The following CACNA2D1 variants were observed in gnomAD, a reference collection of about 807,000 sequenced individuals.
The protein encoded by CACNA2D1 is voltage-dependent calcium channel subunit alpha-2/delta-1.
In CACNA2D1, 53 loss-of-function variants were observed where a neutral mutation model predicts 171.5. The ratio of observed to expected loss-of-function variants is 0.31; its 90% CI spans 0.25 to 0.39. The LOEUF is 0.39. Ranked by LOEUF, CACNA2D1 falls within the 10% of genes least tolerant of loss-of-function variation. The pLI is 1.00. For synonymous variants in CACNA2D1, 442 were observed against 443.1 expected (o/e 1.00, Z 0.03); for missense variants, 903 against 1,299.8 (o/e 0.69, Z 4.69).
intron 5 of CACNA2D1, among the ~76,000 whole-genome samples, chr7:82,132,386 G>A (rs1791093938): frequency 6.6e-6 from 1 of 152,136 alleles, no homozygotes; most frequent in Non-Finnish European, 1.5e-5. Flanking sequence ...CATGTTAGTT[G>A]GGTATGTACA....
intron 1 of CACNA2D1, among the ~76,000 whole-genome samples, chr7:82,438,239 C>T (rs1226275062): frequency 6.6e-6 from 1 of 152,132 alleles, no homozygotes; most frequent in African/African-American, 2.4e-5. Context: ...CTAAGGTATG[C>T]ACACTTGTTA....
intron 3 of CACNA2D1, among the ~76,000 whole-genome samples, chr7:82,293,756 A>G (rs1350179177): frequency 6.6e-6 from 1 of 152,152 alleles, no homozygotes; most frequent in Non-Finnish European, 1.5e-5. Flanking sequence ...TGGGAATATA[A>G]TTTATTTTAA....
chr7:82,342,403 A>G (rs1818783429), intron 2 of CACNA2D1, among the ~76,000 whole-genome samples: 2 of 152,188 alleles, frequency 1.3e-5, no homozygotes, highest in South Asian at 4.1e-4. Flanking sequence ...GAATTAGTGA[A>G]TGGATACTGA....
chr7:82,028,248 A>G (rs1255443315), intron 12 of CACNA2D1: 1 of 151,802 alleles, frequency 6.6e-6, no homozygotes, highest in Non-Finnish European at 1.5e-5. Context: ...TATGCTCTGC[A>G]AATGAACCAA....
chr7:82,198,427 C>T (rs77660777), intron 3 of CACNA2D1, among the ~76,000 whole-genome samples: 2,452 of 152,068 alleles, frequency 0.016, 69 homozygotes, highest in African/African-American at 0.051. Context: ...CTACAGGGCT[C>T]GAAGGCAGTG....
chr7:82,192,186 G>A (rs574855318), intron 3 of CACNA2D1, among the ~76,000 whole-genome samples: 1 of 151,146 alleles, frequency 6.6e-6, no homozygotes, highest in Non-Finnish European at 1.5e-5. Context: ...TAAATAGAAT[G>A]ACTTTGTGTC....
chr7:82,257,953 G>T (rs983095484), intron 3 of CACNA2D1, among the ~76,000 whole-genome samples: 1 of 152,316 alleles, frequency 6.6e-6, no homozygotes, highest in East Asian at 1.9e-4. Flanking sequence ...TAACGTGGAA[G>T]AGAATAGAAA....
At chr7:82,150,482 G>A (rs1192871474) in intron 4 of CACNA2D1, among the ~76,000 whole-genome samples, 1 of 149,864 alleles carries the variant, frequency 6.7e-6, no homozygotes, top group South Asian at 2.1e-4. Flanking sequence ...ATGTAAAACT[G>A]TAAAAAAGAA....
chr7:82,143,253 C>T (rs4728499), intron 4 of CACNA2D1, among the ~76,000 whole-genome samples: 25,799 of 152,020 alleles, frequency 0.17, 2,714 homozygotes, highest in East Asian at 0.35. Flanking sequence ...TATAACTGAA[C>T]TGAAGACGTG....
rs1344833475 is a variant in CACNA2D1 at position 81,946,478 on chromosome 7, C to A, written c.*3914G>T. The A allele has an allele frequency of 1.3e-5, 2 of 152,024 alleles. No homozygotes were observed. Among genetic ancestry groups the A allele is most frequent in the African/African-American group, 2.4e-5 (1 of 41,412 alleles). The allele number at this position is 152,024 out of a possible 1,614,324, so 9.4% of individuals were successfully genotyped here. A position where few individuals can be genotyped will look rare whatever the true frequency, so the allele number is the denominator to read the frequency against. ...ATGATAAACTTTTATTCTGAATATA[C>A]TGTTTTTGCACAAGATTTAACACAA... is the stretch of plus-strand genomic sequence containing the variant. On this transcript the variant is annotated 3_prime_UTR_variant, in exon 39 of 39. Transcript: ENST00000356860.
At chr7:82,125,874 C>CA (rs1554417842) in intron 5 of CACNA2D1, among the ~76,000 whole-genome samples, 1 of 152,076 alleles carries the variant, frequency 6.6e-6, no homozygotes, top group Non-Finnish European at 1.5e-5. Context: ...AAATTCATGA[C>CA]AATAAAATGA....
intron 1 of CACNA2D1, among the ~76,000 whole-genome samples, chr7:82,415,603 C>T (rs149892967): frequency 2.7e-4 from 41 of 152,096 alleles, no homozygotes; most frequent in South Asian, 1.5e-3. Flanking sequence ...CATGTATTCT[C>T]GCTCTGGTCA....
At chr7:82,240,667 A>C (rs1329453257) in intron 3 of CACNA2D1, among the ~76,000 whole-genome samples, 5 of 152,136 alleles carry the variant, frequency 3.3e-5, no homozygotes, top group South Asian at 2.1e-4. Context: ...TGTTTTACTT[A>C]AAAGGTAACT....
chr7:82,422,599 A>G lies in CACNA2D1; in HGVS notation c.95+20766T>C, dbSNP rs141607791. On this transcript the variant is annotated intron_variant, in intron 1 of 38. Transcript: ENST00000356860. ...ACCCCTCAAGAGAGTCTTGAAACACATAACTCTGATTTTCTAGGAAACTAG... is the reference window on the plus strand; with the variant it reads ...ACCCCTCAAGAGAGTCTTGAAACACGTAACTCTGATTTTCTAGGAAACTAG... 5.3e-3 allele frequency among the ~76,000 whole-genome samples: 814 copies of G among 152,276 alleles called. 19 individuals carry two copies. The highest frequency in any genetic ancestry group is 0.039 in the Admixed American group (600 of 15,286).
Position 81,994,889 on chromosome 7 carries a change from A to G in CACNA2D1, c.1713T>C (p.Thr571=). The G allele has an allele frequency of 2.0e-6, 3 of 1,527,208 alleles. No homozygotes were observed. The highest frequency in any genetic ancestry group is 2.7e-6 in the Non-Finnish European group (3 of 1,101,258). 94.6% of individuals were successfully genotyped at this position (1,527,208 alleles called of 1,614,324 possible). A position where few individuals can be genotyped will look rare whatever the true frequency, so the allele number is the denominator to read the frequency against. ...DGESGEKTFR[T]LVKSQDERYI... is the part of the protein sequence containing the mutation. The stretch of plus-strand genomic sequence containing the variant: ...TTACCTCATCTTGAGATTTAACCAG[A>G]GTTCTGAATGTTTTTTCTCCACTTT... Residue 571 remains threonine, a synonymous_variant, in exon 20 of 39, where the codon ACT becomes ACC. Coordinates refer to ENST00000356860, the MANE Select transcript of CACNA2D1 (RefSeq NM_000722.4).
At chr7:82,071,845 C>T (rs1033164591) in intron 7 of CACNA2D1, among the ~76,000 whole-genome samples, 2 of 152,120 alleles carry the variant, frequency 1.3e-5, no homozygotes, top group Non-Finnish European at 2.9e-5. Context: ...ATGCATGACT[C>T]TTCAATCACT....
chr7:82,015,013 T>C (rs1800273978), intron 12 of CACNA2D1, among the ~76,000 whole-genome samples: 1 of 151,840 alleles, frequency 6.6e-6, no homozygotes, highest in Non-Finnish European at 1.5e-5. Flanking sequence ...AATTGTGCCA[T>C]TGCACTCCAG....
At chr7:82,046,683 G>A (rs903520525) in intron 10 of CACNA2D1, among the ~76,000 whole-genome samples, 2 of 151,848 alleles carry the variant, frequency 1.3e-5, no homozygotes, top group Non-Finnish European at 2.9e-5. Flanking sequence ...ATGTAAATAT[G>A]GAATAAATTC....
chr7:82,335,766 A>T (rs1409452355), intron 2 of CACNA2D1, among the ~76,000 whole-genome samples: 1 of 152,192 alleles, frequency 6.6e-6, no homozygotes, highest in African/African-American at 2.4e-5. Context: ...CACATATAGA[A>T]GAGATGAAGG....
Sources: allele counts gnomAD v4.1 joint callset (sites outside exome capture counted in the v4.1 genomes callset), GRCh38; gene constraint gnomAD v4.1.1; transcripts MANE v1.5; gene names NCBI Gene and HGNC (gene_info 2026-07-23, HGNC 2026-07-21).